The following CLEC4C variants were observed in gnomAD, a reference collection of about 807,000 sequenced individuals.
CLEC4C encodes C-type (calcium dependent, carbohydrate-recognition domain) lectin, superfamily member 11.
CLEC4C carries 17 observed loss-of-function variants against 27.7 expected under a neutral mutation model. The ratio of observed to expected loss-of-function variants is 0.61; its 90% CI spans 0.42 to 0.92. CLEC4C has a LOEUF of 0.92. Among genes scored for constraint, CLEC4C ranks in the 40% least tolerant of loss-of-function variants. The pLI is 0.00. For synonymous variants in CLEC4C, 80 were observed against 80.8 expected (o/e 0.99, Z 0.06); for missense variants, 244 against 257.3 (o/e 0.95, Z 0.35).
chr12:7,730,539 C>T (rs1483872058), intron 5 of CLEC4C, among the ~76,000 whole-genome samples: 3 of 151,244 alleles, frequency 2.0e-5, no homozygotes, highest in Non-Finnish European at 2.9e-5. Context: ...ACTCAGGAGA[C>T]TGAGGCAGGA....
chr12:7,740,949 T>A (rs1361361765), intron 3 of CLEC4C, among the ~76,000 whole-genome samples: 4 of 151,422 alleles, frequency 2.6e-5, no homozygotes, highest in African/African-American at 9.7e-5. Flanking sequence ...TACACCATTC[T>A]CCTGCCTCAG....
At chr12:7,746,485 A>G (rs1395412960) in intron 1 of CLEC4C, 62 bp from the exon 2 acceptor site, 23 of 1,036,286 alleles carry the variant, frequency 2.2e-5, no homozygotes, top group Non-Finnish European at 3.4e-5. Flanking sequence ...CCAGGAAACC[A>G]GAGTCCCAAA....
intron 4 of CLEC4C, among the ~76,000 whole-genome samples, chr12:7,735,303 G>C (rs1351651081): frequency 6.6e-6 from 1 of 151,936 alleles, no homozygotes; most frequent in Non-Finnish European, 1.5e-5. Flanking sequence ...AGGAGTTCGA[G>C]ACTAGCCTGG....
At chr12:7,736,024 C>T (rs1592091890) in intron 4 of CLEC4C, among the ~76,000 whole-genome samples, 1 of 152,144 alleles carries the variant, frequency 6.6e-6, no homozygotes, top group African/African-American at 2.4e-5. Flanking sequence ...TGGCTCACGC[C>T]TGTAATCCCA....
intron 2 of CLEC4C, among the ~76,000 whole-genome samples, chr12:7,743,236 G>A (rs1036549961): frequency 6.6e-6 from 1 of 152,130 alleles, no homozygotes; most frequent in Non-Finnish European, 1.5e-5. Context: ...GTAACTGTAA[G>A]TAAACCATTT....
intron 4 of CLEC4C, among the ~76,000 whole-genome samples, chr12:7,731,247 G>T (rs1211588460): frequency 1.3e-5 from 2 of 152,004 alleles, no homozygotes; most frequent in Non-Finnish European, 2.9e-5. Context: ...GGGGGGATAT[G>T]CCTGCAGCTG....
intron 4 of CLEC4C, among the ~76,000 whole-genome samples, chr12:7,732,934 G>T (rs1391863313): frequency 6.6e-6 from 1 of 151,668 alleles, no homozygotes; most frequent in African/African-American, 2.4e-5. Flanking sequence ...GGCGACAGAG[G>T]GACAGAGCAA....
intron 5 of CLEC4C, among the ~76,000 whole-genome samples, chr12:7,730,033 C>CA (rs1448283757): frequency 2.6e-5 from 4 of 152,190 alleles, no homozygotes; most frequent in Non-Finnish European, 4.4e-5. Flanking sequence ...AGGATTCCTT[C>CA]AGTTTAGCCA....
At position 7,737,478 on chromosome 12, in the gene CLEC4C, C is replaced by G; in HGVS notation, c.332G>C (p.Cys111Ser). ...CACCAGATCAGCCCCCATCACAGAACAGTTCTTTTGACTCTTAGTCCAAGA... is the reference window on the plus strand; with the variant it reads ...CACCAGATCAGCCCCCATCACAGAAGAGTTCTTTTGACTCTTAGTCCAAGA... The part of the protein sequence containing the change: ...MQSWTKSQKN[C>S]SVMGADLVVI... The change falls in exon 4 of 6, where the codon TGT becomes TCT. Residue 111 changes from cysteine (C) to serine (S), a missense_variant. By Grantham distance (112) the Cys-to-Ser change is moderately radical. Transcript: ENST00000360345. 6.2e-7 allele frequency: 1 copy of G among 1,613,988 alleles called. No homozygotes were observed. Among genetic ancestry groups the G allele is most frequent in the Non-Finnish European group, 8.5e-7 (1 of 1,179,976 alleles).
intron 1 of CLEC4C, among the ~76,000 whole-genome samples, chr12:7,746,793 C>A (rs1475843407): frequency 6.6e-6 from 1 of 152,186 alleles, no homozygotes; most frequent in Admixed American, 6.6e-5. Context: ...AATTCATATT[C>A]CTTTAAGGCC....
intron 4 of CLEC4C, among the ~76,000 whole-genome samples, chr12:7,733,882 A>ATTTTG (rs1373304660): frequency 6.6e-6 from 1 of 150,932 alleles, no homozygotes; most frequent in South Asian, 2.1e-4. Flanking sequence ...GCCGTCATAT[A>ATTTTG]TTTTGTTTTG....
intron 5 of CLEC4C, 95 bp downstream of exon 5, chr12:7,730,702 G>T: frequency 4.1e-5 from 23 of 566,092 alleles, no homozygotes; most frequent in Non-Finnish European, 5.8e-5. Context: ...AAAAAGTGTT[G>T]TGGGTTTTAT....
At position 7,747,167 on chromosome 12, in the gene CLEC4C, G is replaced by A. The variant is rs1473529370; in HGVS notation, c.31+151C>T. 6.7e-6 allele frequency: 5 copies of A among 745,572 alleles called. No homozygotes were observed. The African/African-American group carries it at 8.7e-5, about 13-fold the overall frequency. The allele number at this position is 745,572 out of a possible 1,614,324, so 46.2% of individuals were successfully genotyped here. A position where few individuals can be genotyped will look rare whatever the true frequency, so the allele number is the denominator to read the frequency against. Reference sequence around the variant, plus strand: ...CATCTTTCCCTGATCCAAGTATCTTGGGTCCATACCTGTTTCCATACTGAA... The same window carrying A: ...CATCTTTCCCTGATCCAAGTATCTTAGGTCCATACCTGTTTCCATACTGAA... On this transcript the variant is annotated intron_variant, in intron 1 of 5. Transcript: ENST00000360345.
intron 2 of CLEC4C, among the ~76,000 whole-genome samples, chr12:7,743,853 G>T (rs115106753): frequency 0.021 from 3,139 of 152,228 alleles, 77 homozygotes; most frequent in South Asian, 0.1. Flanking sequence ...TATTTATAAA[G>T]AAAAGACATT....
chr12:7,735,820 G>A (rs969999956), intron 4 of CLEC4C, among the ~76,000 whole-genome samples: 3 of 151,536 alleles, frequency 2.0e-5, no homozygotes, highest in Admixed American at 6.6e-5. Flanking sequence ...GAAAAAAAAA[G>A]CAAAAACCAG....
At chr12:7,741,890 G>A (rs1055363274) in intron 2 of CLEC4C, among the ~76,000 whole-genome samples, 2 of 151,996 alleles carry the variant, frequency 1.3e-5, no homozygotes, top group African/African-American at 4.8e-5. Context: ...GTGTGGTGGC[G>A]GGCACCTATA....
At chr12:7,747,296 A>C (rs1268189186) in intron 1 of CLEC4C, 22 bp downstream of exon 1, 1 of 1,612,810 alleles carries the variant, frequency 6.2e-7, no homozygotes, top group Admixed American at 1.7e-5. Context: ...CCTTCCCTAG[A>C]ACTGAGAAGA....
Position 7,747,371 on chromosome 12 carries a change from A to G in CLEC4C, c.-23T>C. 1 of 1,613,566 alleles carries G rather than the reference A, an allele frequency of 6.2e-7. No homozygotes were observed. The highest frequency in any genetic ancestry group is 8.5e-7 in the Non-Finnish European group (1 of 1,179,730). On this transcript the variant is annotated 5_prime_UTR_variant, in exon 1 of 6. Transcript: ENST00000360345. ...CATTGTGTGTGCGCACACCCTTTGG[A>G]CTTCCTCTATCAGGTGGGTGCAGAA...
intron 2 of CLEC4C, among the ~76,000 whole-genome samples, chr12:7,743,614 C>T (rs991598762): frequency 1.3e-5 from 2 of 151,834 alleles, no homozygotes; most frequent in Non-Finnish European, 2.9e-5. Flanking sequence ...CTCCTGACCT[C>T]GTGATCCGTC....
Sources: allele counts gnomAD v4.1 joint callset (sites outside exome capture counted in the v4.1 genomes callset), GRCh38; gene constraint gnomAD v4.1.1; transcripts MANE v1.5; gene names NCBI Gene and HGNC (gene_info 2026-07-23, HGNC 2026-07-21).